FRMD6: variants seen among roughly 807,000 people sequenced by gnomAD.
FRMD6 encodes FERM domain-containing protein 6.
In FRMD6, 37 loss-of-function variants were observed where a neutral mutation model predicts 73.2. The ratio of observed to expected loss-of-function variants is 0.51; its 90% CI spans 0.39 to 0.66. The LOEUF (loss-of-function observed/expected upper bound fraction) is 0.66. Ranked by LOEUF, FRMD6 falls within the 30% of genes least tolerant of loss-of-function variation. FRMD6 has a pLI of 0.00. For synonymous variants in FRMD6, 273 were observed against 282.2 expected, an observed-to-expected ratio of 0.97 and a Z score of 0.33; for missense variants, 714 against 780.5, an observed-to-expected ratio of 0.91 and a Z score of 1.02.
intron 1 of FRMD6, among the ~76,000 whole-genome samples, chr14:51,544,030 A>G (rs924130695): frequency 3.9e-5 from 6 of 151,966 alleles, no homozygotes; most frequent in African/African-American, 1.4e-4. Flanking sequence ...TCTTTCATGT[A>G]CCATCAGCAC....
the FRMD6 span, chr14:51,437,032 A>C: frequency 3.7e-6 from 2 of 534,762 alleles, no homozygotes; most frequent in Non-Finnish European, 6.5e-6. Context: ...ACATGTGCAC[A>C]ACGTGCAAGT....
intron 1 of FRMD6, among the ~76,000 whole-genome samples, chr14:51,557,055 C>T (rs535547578): frequency 6.6e-6 from 1 of 151,788 alleles, no homozygotes; most frequent in Non-Finnish European, 1.5e-5. Flanking sequence ...TGAGGCTGAG[C>T]GGGGAGGATT....
At chr14:51,461,861 C>T in the FRMD6 span, among the ~76,000 whole-genome samples, 23 of 152,244 alleles carry the variant, frequency 1.5e-4, no homozygotes, top group Non-Finnish European at 3.1e-4. Flanking sequence ...GTGGGTGTTA[C>T]TTCTGTCTCA....
chr14:51,507,735 G>T (rs1331074438), intron 1 of FRMD6, among the ~76,000 whole-genome samples: 1 of 151,708 alleles, frequency 6.6e-6, no homozygotes, highest in Non-Finnish European at 1.5e-5. Context: ...GTGAGTGTTT[G>T]TTGAAAACAC....
chr14:51,651,782 A>G (rs1300366695), upstream of FRMD6: 1 of 116,632 alleles, frequency 8.6e-6, no homozygotes, highest in African/African-American at 3.2e-5. Flanking sequence ...CGCCGCGGCC[A>G]GTTGGGGCGG....
At chr14:51,582,707 G>A (rs891951760) in intron 2 of FRMD6, among the ~76,000 whole-genome samples, 9 of 152,166 alleles carry the variant, frequency 5.9e-5, no homozygotes, top group African/African-American at 1.9e-4. Flanking sequence ...GTCCAACTTG[G>A]CATTGGCAGT....
At chr14:51,468,021 G>T in the FRMD6 span, among the ~76,000 whole-genome samples, 1 of 152,222 alleles carries the variant, frequency 6.6e-6, no homozygotes, top group Admixed American at 6.5e-5. Flanking sequence ...GAGTGAGCGA[G>T]ACTCAGTCTG....
chr14:51,603,349 C>G lies in FRMD6; in HGVS notation c.-147+32939C>G, dbSNP rs554083547. Among the ~76,000 whole-genome samples, 11 of 152,220 alleles carry G rather than the reference C, an allele frequency of 7.2e-5. No individual in the cohort carries two copies. In the South Asian group the frequency reaches 2.3e-3, roughly 32 times the overall value. ...GTTTTAACTCTTTATACAACATGAACCCATAAAAAATGTTTCAATCAAAAA... is the reference window on the plus strand; with the variant it reads ...GTTTTAACTCTTTATACAACATGAAGCCATAAAAAATGTTTCAATCAAAAA... On this transcript the variant is annotated intron_variant, in intron 2 of 14. Transcript: ENST00000356218.
chr14:51,597,515 G>A (rs990824155), intron 2 of FRMD6, among the ~76,000 whole-genome samples: 23 of 152,174 alleles, frequency 1.5e-4, no homozygotes, highest in Admixed American at 1.3e-3. Context: ...CCTACAGCAC[G>A]TTTGGCTGGA....
intron 3 of FRMD6, among the ~76,000 whole-genome samples, chr14:51,698,896 A>G (rs1180196514): frequency 2.0e-5 from 3 of 152,024 alleles, no homozygotes; most frequent in Non-Finnish European, 4.4e-5. Flanking sequence ...CTTCCTTCAA[A>G]TGATATTTTT....
chr14:51,608,726 A>C lies in FRMD6; in HGVS notation c.-147+38316A>C, dbSNP rs150191692. On this transcript the variant is annotated intron_variant, in intron 2 of 14. Transcript: ENST00000356218. ...AAGCTTCCCCTCAACCCCCAGCCCA[A>C]CTGAAGTTTGCCTTCACTCCTTCAT... 2.7e-3 allele frequency among the ~76,000 whole-genome samples: 410 copies of C among 151,898 alleles called. 1 individual carries two copies. Among genetic ancestry groups the C allele is most frequent in the African/African-American group, 9.5e-3 (392 of 41,418 alleles).
the FRMD6 span, among the ~76,000 whole-genome samples, chr14:51,469,071 G>A: frequency 6.6e-6 from 1 of 151,784 alleles, no homozygotes. Flanking sequence ...CTCCCGAGTA[G>A]CTGGGACTAC....
chr14:51,705,711 A>G (rs375243630), intron 6 of FRMD6, among the ~76,000 whole-genome samples: 4 of 152,028 alleles, frequency 2.6e-5, no homozygotes, highest in African/African-American at 9.7e-5. Flanking sequence ...GTGTTCCTCA[A>G]GCCATTTCCA....
rs149253790 is a variant in FRMD6, at chr14:51,562,899, C to T, written c.-209-7449C>T. On this transcript the variant is annotated intron_variant, in intron 1 of 14. Transcript: ENST00000356218. ...ATTCTCTGCTGGTCAAGAATTCAGACGGGACATAGTAAGGATAGTTTGTCT... is the reference window on the plus strand; with the variant it reads ...ATTCTCTGCTGGTCAAGAATTCAGATGGGACATAGTAAGGATAGTTTGTCT... Among the ~76,000 whole-genome samples, 415 of 152,280 alleles carry T rather than the reference C, an allele frequency of 2.7e-3. 3 individuals are homozygous for T. The highest frequency in any genetic ancestry group is 9.2e-3 in the African/African-American group (381 of 41,554).
At chr14:51,662,255 A>C (rs1023937078) in intron 1 of FRMD6, among the ~76,000 whole-genome samples, 1 of 152,166 alleles carries the variant, frequency 6.6e-6, no homozygotes, top group Non-Finnish European at 1.5e-5. Flanking sequence ...TCCATAAAGA[A>C]TGGAAGTTTA....
At chr14:51,676,937 CT>C (rs1356235327) in intron 1 of FRMD6, among the ~76,000 whole-genome samples, 7 of 152,174 alleles carry the variant, frequency 4.6e-5, no homozygotes, top group African/African-American at 7.2e-5. Context: ...TTTGAACTTT[CT>C]TTTTTTCTTT....
intron 2 of FRMD6, among the ~76,000 whole-genome samples, chr14:51,586,234 C>T (rs1033916538): frequency 1.3e-5 from 2 of 151,940 alleles, no homozygotes; most frequent in Non-Finnish European, 2.9e-5. Flanking sequence ...TCCACAACCT[C>T]ACCAACTTCT....
At chr14:51,443,423 G>A in the FRMD6 span, among the ~76,000 whole-genome samples, 1 of 152,208 alleles carries the variant, frequency 6.6e-6, no homozygotes, top group Non-Finnish European at 1.5e-5. Context: ...GAGGCAGCGT[G>A]TTAATTCAAC....
At chr14:51,459,882 C>CTTTT in the FRMD6 span, among the ~76,000 whole-genome samples, 1 of 23,430 alleles carries the variant, frequency 4.3e-5, no homozygotes, top group African/African-American at 2.2e-4. Context: ...ATTACTGACT[C>CTTTT]TCTTTTTTTT....
Sources: gnomAD v4.1 joint callset for allele counts (sites outside exome capture counted in the v4.1 genomes callset) on GRCh38, gnomAD v4.1.1 for gene constraint, MANE v1.5 for transcripts, NCBI Gene and HGNC (gene_info 2026-07-23, HGNC 2026-07-21) for gene names.